The following MAPKAP1 variants were observed in gnomAD, a reference collection of about 807,000 sequenced individuals.
MAPKAP1 encodes the protein target of rapamycin complex 2 subunit MAPKAP1.
A neutral mutation model predicts 65.7 loss-of-function variants in MAPKAP1; 20 were observed. The ratio of observed to expected loss-of-function variants is 0.30; its 90% CI spans 0.21 to 0.44. MAPKAP1 has a LOEUF of 0.44. Ranked by LOEUF, MAPKAP1 falls within the 20% of genes least tolerant of loss-of-function variation. MAPKAP1 has a pLI of 1.00. For missense variants in MAPKAP1, 423 were observed against 648.0 expected, an observed-to-expected ratio of 0.65 and a Z score of 3.77; for synonymous variants, 222 against 244.3, an observed-to-expected ratio of 0.91 and a Z score of 0.85.
chr9:125,521,522 A>T, intron 7 of MAPKAP1: 2 of 1,313,454 alleles, frequency 1.5e-6, no homozygotes, highest in Non-Finnish European at 1.9e-6. Context: ...AGTTTATGGA[A>T]ACCAGTGGGG....
intron 1 of MAPKAP1, among the ~76,000 whole-genome samples, chr9:125,687,364 T>C (rs1056501779): frequency 6.6e-6 from 1 of 152,204 alleles, no homozygotes; most frequent in Non-Finnish European, 1.5e-5. Context: ...CAGTTGTCAC[T>C]GTTAAAGAGA....
chr9:125,665,930 C>A (rs1431495068), intron 3 of MAPKAP1, among the ~76,000 whole-genome samples: 1 of 152,158 alleles, frequency 6.6e-6, no homozygotes, highest in Admixed American at 6.5e-5. Context: ...GCCTATTAGA[C>A]TTCGAACTTC....
Position 125,595,957 on chromosome 9 carries a change from C to G in MAPKAP1, c.499-10230G>C. 4 of 1,470,174 alleles carry G rather than the reference C, an allele frequency of 2.7e-6. No homozygotes were observed. The highest frequency in any genetic ancestry group is 3.8e-6 in the Non-Finnish European group (4 of 1,064,616). 91.1% of individuals were successfully genotyped at this position (1,470,174 alleles called of 1,614,324 possible). A position where few individuals can be genotyped will look rare whatever the true frequency, so the allele number is the denominator to read the frequency against. ...GTCTCAAGAGAAGATTCTCAAAGAC[C>G]AGGTGCCCACTTAACTGTGAAAAAG... On this transcript the variant is annotated intron_variant, in intron 4 of 11. Coordinates refer to ENST00000265960, the MANE Select transcript of MAPKAP1 (RefSeq NM_001006617.3). This position sits in a 1 kb window ranked among gnomAD's most constrained non-coding sequence, Gnocchi z 4.0.
intron 4 of MAPKAP1, among the ~76,000 whole-genome samples, chr9:125,587,169 G>T (rs1483065961): frequency 6.6e-6 from 1 of 152,154 alleles, no homozygotes; most frequent in Non-Finnish European, 1.5e-5. Context: ...AAAGGAAACA[G>T]GTGTAAATCT....
intron 4 of MAPKAP1, among the ~76,000 whole-genome samples, chr9:125,601,092 A>G (rs1405158075): frequency 1.3e-5 from 2 of 152,198 alleles, no homozygotes; most frequent in African/African-American, 4.8e-5. Context: ...TGAAGATTTA[A>G]TATCAACTCT....
At chr9:125,618,859 T>G (rs665110) in intron 4 of MAPKAP1, among the ~76,000 whole-genome samples, 1 of 152,224 alleles carries the variant, frequency 6.6e-6, no homozygotes, top group Non-Finnish European at 1.5e-5. Flanking sequence ...AGGCTGGGCA[T>G]GGTGGCTCAT....
chr9:125,692,905 G>C (rs772646572), intron 1 of MAPKAP1, among the ~76,000 whole-genome samples: 6 of 152,154 alleles, frequency 3.9e-5, no homozygotes, highest in Non-Finnish European at 8.8e-5. Flanking sequence ...GGGAAAAAGA[G>C]AACTGTCATA....
chr9:125,476,334 A>G (rs1854108060), intron 9 of MAPKAP1, among the ~76,000 whole-genome samples: 1 of 152,180 alleles, frequency 6.6e-6, no homozygotes, highest in Non-Finnish European at 1.5e-5. Flanking sequence ...CAATCATTTA[A>G]TATCAGAATT....
intron 6 of MAPKAP1, among the ~76,000 whole-genome samples, chr9:125,552,542 T>C (rs1439270656): frequency 6.6e-6 from 1 of 152,224 alleles, no homozygotes; most frequent in African/African-American, 2.4e-5. Flanking sequence ...CCAATTTTGC[T>C]ATAATGGACA....
chr9:125,650,025 G>C (rs911400630), intron 4 of MAPKAP1, among the ~76,000 whole-genome samples: 1 of 152,000 alleles, frequency 6.6e-6, no homozygotes, highest in Non-Finnish European at 1.5e-5. Flanking sequence ...AGCCGGACAC[G>C]GACCAGGAAA....
chr9:125,556,628 C>T (rs1426158760), intron 6 of MAPKAP1, among the ~76,000 whole-genome samples: 2 of 152,208 alleles, frequency 1.3e-5, no homozygotes, highest in Non-Finnish European at 2.9e-5. Flanking sequence ...TTCCCAGCCA[C>T]TTCTTGTCCC....
At chr9:125,670,908 C>T (rs1376516372) in intron 2 of MAPKAP1, among the ~76,000 whole-genome samples, 1 of 152,210 alleles carries the variant, frequency 6.6e-6, no homozygotes, top group African/African-American at 2.4e-5. Flanking sequence ...AAATTATACA[C>T]TTCTGCCTTA....
chr9:125,528,769 C>T (rs1297220293), intron 7 of MAPKAP1, among the ~76,000 whole-genome samples: 1 of 142,592 alleles, frequency 7.0e-6, no homozygotes, highest in East Asian at 2.2e-4. Context: ...ATCGCCTGAA[C>T]TCGGGAGGCG....
intron 8 of MAPKAP1, among the ~76,000 whole-genome samples, chr9:125,500,613 G>C (rs1265331564): frequency 1.3e-5 from 2 of 152,210 alleles, no homozygotes; most frequent in African/African-American, 4.8e-5. Flanking sequence ...CATATACATA[G>C]ATGATCCCTG....
At chr9:125,555,769 C>T (rs1018211257) in intron 6 of MAPKAP1, among the ~76,000 whole-genome samples, 4 of 152,202 alleles carry the variant, frequency 2.6e-5, no homozygotes, top group African/African-American at 9.7e-5. Context: ...AGGATGTGTG[C>T]TCATAAGAGG....
chr9:125,489,541 C>T (rs983298032), intron 8 of MAPKAP1, among the ~76,000 whole-genome samples: 28 of 152,044 alleles, frequency 1.8e-4, no homozygotes, highest in African/African-American at 5.6e-4. Context: ...AATGGACTGA[C>T]AACAAGGCTC....
At chr9:125,682,864 G>T (rs1391858042) in intron 1 of MAPKAP1, among the ~76,000 whole-genome samples, 2 of 152,074 alleles carry the variant, frequency 1.3e-5, no homozygotes, top group Non-Finnish European at 2.9e-5. Flanking sequence ...TACATGCTGG[G>T]CACCAAAGAT....
At chr9:125,521,596 G>A in intron 7 of MAPKAP1, 1 of 1,475,226 alleles carries the variant, frequency 6.8e-7, no homozygotes, top group South Asian at 1.5e-5. Flanking sequence ...TCACACTGCA[G>A]AGGAATTTAG....
At chr9:125,512,448 A>G (rs1829328778) in intron 7 of MAPKAP1, among the ~76,000 whole-genome samples, 1 of 152,138 alleles carries the variant, frequency 6.6e-6, no homozygotes, top group African/African-American at 2.4e-5. Flanking sequence ...TCAGCACTAA[A>G]TGTTCGTGTG....
Sources: allele counts gnomAD v4.1 joint callset (sites outside exome capture counted in the v4.1 genomes callset), GRCh38; gene constraint gnomAD v4.1.1; non-coding constraint Gnocchi (gnomAD v3.1); transcripts MANE v1.5; gene names NCBI Gene and HGNC (gene_info 2026-07-23, HGNC 2026-07-21).